SAXO2: variants seen among roughly 807,000 people sequenced by gnomAD.
SAXO2 encodes stabilizer of axonemal microtubules 2.
A neutral mutation model predicts 18.7 loss-of-function variants in SAXO2; 17 were observed. The ratio of observed to expected loss-of-function variants is 0.91; its 90% confidence interval spans 0.62 to 1.36. SAXO2 has a LOEUF of 1.36. SAXO2 is among the 40% of genes most tolerant of loss of function. The probability of loss-of-function intolerance (pLI) is 0.00; values close to 1 mark genes in which losing one functional copy is unlikely to be tolerated. For synonymous variants in SAXO2, 163 were observed against 181.2 expected, an observed-to-expected ratio of 0.90 and a Z score of 0.81; for missense variants, 486 against 562.6, an observed-to-expected ratio of 0.86 and a Z score of 1.38.
chr15:82,267,831 A>C (rs2075233883), intron 2 of SAXO2, among the ~76,000 whole-genome samples: 1 of 152,194 alleles, frequency 6.6e-6, no homozygotes, highest in Admixed American at 6.5e-5. Context: ...AGAAGTGTTA[A>C]AATTGCAGAC....
In SAXO2 at chr15:82,282,151, G is replaced by GAACT; in HGVS notation, c.467_470dup (p.Tyr158ThrfsTer3). The GAACT allele has an allele frequency of 6.2e-7, 1 of 1,612,816 alleles. No individual in the cohort carries two copies. Among genetic ancestry groups the GAACT allele is most frequent in the Non-Finnish European group, 8.5e-7 (1 of 1,179,572 alleles). ...TAGAGCTTGGGACCTTCATAAAAGT[G>GAACT]AACTTTATAAGCCAGAACAAACTTA... is the stretch of plus-strand genomic sequence containing the variant. On this transcript the variant is annotated frameshift_variant, in exon 4 of 4. Transcript: ENST00000682753. LOFTEE classifies it low-confidence loss of function (END_TRUNC).
chr15:82,264,624 A>G (rs2075195141), intron 1 of SAXO2: 1 of 702,212 alleles, frequency 1.4e-6, no homozygotes, highest in East Asian at 2.7e-5. Context: ...ACTTGGAAGA[A>G]CTTAAGAAAT....
At chr15:82,277,242 A>C (rs1028278969) in intron 3 of SAXO2, among the ~76,000 whole-genome samples, 1 of 152,330 alleles carries the variant, frequency 6.6e-6, no homozygotes, top group African/African-American at 2.4e-5. Context: ...GGGAAAAGTC[A>C]AAAGCAAATA....
At position 82,283,754 on chromosome 15, in the gene SAXO2, T is replaced by A. The variant is rs1213360475; in HGVS notation, c.*692T>A. ...ATCACAGCTTACTGCAGCCTCAGCC[T>A]CCTGAGCTCAAGTGATCCTCCTGCC... On this transcript the variant is annotated 3_prime_UTR_variant, in exon 4 of 4. Coordinates refer to ENST00000682753, the MANE Select transcript of SAXO2 (RefSeq NM_001348699.2). 6.6e-6 allele frequency: 1 copy of A among 152,374 alleles called. No homozygotes were observed. Among genetic ancestry groups the A allele is most frequent in the Non-Finnish European group, 1.5e-5 (1 of 68,182 alleles). 9.4% of individuals were successfully genotyped at this position (152,374 alleles called of 1,614,324 possible).
chr15:82,263,439 G>C (rs2075162830), intron 1 of SAXO2: 1 of 703,762 alleles, frequency 1.4e-6, no homozygotes, highest in Middle Eastern at 2.3e-4. Flanking sequence ...TGAAAAGTCA[G>C]TAAGTAGTCC....
intron 3 of SAXO2, among the ~76,000 whole-genome samples, chr15:82,280,440 TTA>T (rs2075353010): frequency 6.6e-6 from 1 of 152,164 alleles, no homozygotes; most frequent in Admixed American, 6.5e-5. Flanking sequence ...AAAAATAGTG[TTA>T]TACTTTTATA....
At chr15:82,276,693 A>G (rs2075318373) in intron 3 of SAXO2, among the ~76,000 whole-genome samples, 1 of 152,220 alleles carries the variant, frequency 6.6e-6, no homozygotes, top group Non-Finnish European at 1.5e-5. Context: ...AAGGTGCAAG[A>G]AGGATCTAGA....
chr15:82,268,494 A>G lies in SAXO2; in HGVS notation c.233+2746A>G, dbSNP rs183039898. ...GTAAGACATCGGATCTTTTCTTTATATTTTCACTGGGAAACTAGCAGTATT... is the reference window on the plus strand; with the variant it reads ...GTAAGACATCGGATCTTTTCTTTATGTTTTCACTGGGAAACTAGCAGTATT... On this transcript the variant is annotated intron_variant, in intron 2 of 3. Transcript: ENST00000682753. 3.3e-5 allele frequency among the ~76,000 whole-genome samples: 5 copies of G among 152,318 alleles called. No homozygotes were observed. In the East Asian group the frequency reaches 9.6e-4, roughly 29 times the overall value.
chr15:82,282,577 T>C lies in SAXO2; in HGVS notation c.892T>C (p.Tyr298His). The C allele has an allele frequency of 6.2e-7, 1 of 1,614,106 alleles. No homozygotes were observed. Among genetic ancestry groups the C allele is most frequent in the South Asian group, 1.1e-5 (1 of 91,072 alleles). The change falls in exon 4 of 4, where the codon TAT becomes CAT. Residue 298 changes from tyrosine (Y) to histidine (H), a missense_variant. Tyr to His is a moderately conservative substitution (Grantham distance 83). Coordinates refer to ENST00000682753, the MANE Select transcript of SAXO2 (RefSeq NM_001348699.2). ...PPPEVKKVPE[Y>H]VPPTGSMLLN... The stretch of plus-strand genomic sequence containing the variant: ...ACCTGAGGTCAAGAAAGTACCAGAG[T>C]ATGTGCCTCCTACAGGTAGCATGCT...
Sources: gnomAD v4.1 joint callset for allele counts (sites outside exome capture counted in the v4.1 genomes callset) on GRCh38, gnomAD v4.1.1 for gene constraint, MANE v1.5 for transcripts, NCBI Gene and HGNC (gene_info 2026-07-23, HGNC 2026-07-21) for gene names.